The following KIF24 variants were observed in gnomAD, a reference collection of about 807,000 sequenced individuals.
KIF24 encodes the protein kinesin-like protein KIF24.
Under a neutral mutation model 118.9 loss-of-function variants are expected in KIF24, and 81 were observed. That is an observed-to-expected ratio of 0.68 (90% CI 0.57 to 0.82). KIF24 has a LOEUF of 0.82. KIF24 is among the 40% of genes least tolerant of loss of function. The pLI is 0.00. For synonymous variants in KIF24, 599 were observed against 610.0 expected, an observed-to-expected ratio of 0.98 and a Z score of 0.27; for missense variants, 1,560 against 1,661.6, an observed-to-expected ratio of 0.94 and a Z score of 1.06.
chr9:34,266,489 C>A (rs996210801), intron 8 of KIF24, among the ~76,000 whole-genome samples: 3 of 151,894 alleles, frequency 2.0e-5, no homozygotes, highest in African/African-American at 7.3e-5. Flanking sequence ...CCAGCATGGC[C>A]AACATGGTGA....
chr9:34,311,712 A>G (rs556089514), intron 1 of KIF24, among the ~76,000 whole-genome samples: 152 of 140,096 alleles, frequency 1.1e-3, no homozygotes, highest in African/African-American at 3.6e-3. Flanking sequence ...ATATATACGT[A>G]TATATGTATA....
chr9:34,271,737 T>C (rs78255368), intron 7 of KIF24, 72 bp downstream of exon 7: 14 of 1,542,030 alleles, frequency 9.1e-6, no homozygotes, highest in Admixed American at 1.8e-5. Flanking sequence ...TATCCTGTTG[T>C]TGAGAAAACA....
rs148533597 is a variant in KIF24 at position 34,255,950 on chromosome 9, G to A, written c.3657C>T (p.Leu1219=). The change falls in exon 11 of 13, where the codon CTC becomes CTT. Residue 1219 remains leucine (L), a synonymous_variant. Coordinates refer to ENST00000402558, the MANE Select transcript of KIF24 (RefSeq NM_194313.4). The part of the protein sequence containing the change: ...RTGSSDVADQ[L]WAQERKHPTR... ...TAGGATGTTTTCTCTCCTGGGCCCA[G>A]AGCTGGTCAGCCACATCACTACTTC... is the stretch of plus-strand genomic sequence containing the variant. 2.1e-4 allele frequency: 340 copies of A among 1,613,990 alleles called. 1 individual carries two copies. In the African/African-American group the frequency reaches 3.2e-3, roughly 15 times the overall value.
Position 34,256,273 on chromosome 9 carries a change from G to A in KIF24, c.3334C>T (p.Leu1112=), listed in dbSNP as rs1166592911. 6.2e-7 allele frequency: 1 copy of A among 1,609,790 alleles called. No homozygotes were observed. The highest frequency in any genetic ancestry group is 8.5e-7 in the Non-Finnish European group (1 of 1,177,714). Residue 1112 remains leucine (L), a synonymous_variant, in exon 11 of 13, where the codon CTG becomes TTG. Transcript: ENST00000402558. ...TCAGGGGGAGATGAGGACAGCCACA[G>A]GTGCCTAGTTGCTGAAGACACTGGC... ...ALPVSSATRH[L]WLSSSPPDNK... is the part of the protein sequence containing the mutation.
chr9:34,312,994 G>A (rs1273846784), intron 1 of KIF24, among the ~76,000 whole-genome samples: 1 of 152,160 alleles, frequency 6.6e-6, no homozygotes, highest in Non-Finnish European at 1.5e-5. Flanking sequence ...CCACCACACT[G>A]GCTGGTAGAT....
chr9:34,280,060 G>A (rs1248598359), intron 6 of KIF24, among the ~76,000 whole-genome samples: 2 of 151,424 alleles, frequency 1.3e-5, no homozygotes, highest in Non-Finnish European at 2.9e-5. Context: ...CGAGGCAGGC[G>A]GATCACGAGG....
Position 34,325,628 on chromosome 9 carries a change from G to A in KIF24, c.-26+3478C>T, listed in dbSNP as rs138546656. On this transcript the variant is annotated intron_variant, in intron 1 of 12. Transcript: ENST00000402558. Reference sequence around the variant, plus strand: ...AATCGCTGGAACCTGGGAGGAAGAGGTTGCAGTGAGCCAAGATTGCGCCAC... The same window carrying A: ...AATCGCTGGAACCTGGGAGGAAGAGATTGCAGTGAGCCAAGATTGCGCCAC... 1.6e-3 allele frequency among the ~76,000 whole-genome samples: 247 copies of A among 151,822 alleles called. 5 individuals are homozygous for A. Among genetic ancestry groups the A allele is most frequent in the Admixed American group, 0.012 (188 of 15,258 alleles).
intron 3 of KIF24, among the ~76,000 whole-genome samples, chr9:34,302,877 G>A (rs534003424): frequency 4.3e-4 from 65 of 150,298 alleles, no homozygotes; most frequent in Admixed American, 1.1e-3. Context: ...CCGGGTTCAC[G>A]CCATTCTCCT....
chr9:34,313,922 A>ATT (rs5897568), intron 1 of KIF24, among the ~76,000 whole-genome samples: 14 of 140,206 alleles, frequency 1.0e-4, no homozygotes, highest in African/African-American at 3.5e-4. Context: ...TAATTTTTAC[A>ATT]TTTTTTTTTT....
At chr9:34,319,455 C>G (rs765048843) in intron 1 of KIF24, 1 of 1,260,284 alleles carries the variant, frequency 7.9e-7, no homozygotes, top group Non-Finnish European at 1.2e-6. Context: ...CAGCGTGTTC[C>G]ACGCCACCGC....
intron 8 of KIF24, among the ~76,000 whole-genome samples, chr9:34,263,397 C>T (rs1023777797): frequency 6.6e-6 from 1 of 152,254 alleles, no homozygotes; most frequent in African/African-American, 2.4e-5. Context: ...AGCTTAGAGG[C>T]TGGGATCCTA....
intron 7 of KIF24, among the ~76,000 whole-genome samples, chr9:34,270,565 G>C (rs1185762126): frequency 6.7e-6 from 1 of 149,264 alleles, no homozygotes; most frequent in Non-Finnish European, 1.5e-5. Context: ...TTAGCTGGTA[G>C]GCTGAGTAGC....
chr9:34,296,682 T>C (rs185696865), intron 4 of KIF24, among the ~76,000 whole-genome samples: 117 of 152,262 alleles, frequency 7.7e-4, no homozygotes, highest in African/African-American at 2.7e-3. Context: ...CCTGAACCTT[T>C]TTCTTCTGAG....
At chr9:34,321,891 C>G (rs1277427199) in intron 1 of KIF24, among the ~76,000 whole-genome samples, 8 of 152,024 alleles carry the variant, frequency 5.3e-5, no homozygotes, top group Non-Finnish European at 1.2e-4. Context: ...CAGGCATGAG[C>G]CACTGTGCCT....
At chr9:34,262,032 C>T (rs981414479) in intron 9 of KIF24, among the ~76,000 whole-genome samples, 6 of 152,122 alleles carry the variant, frequency 3.9e-5, no homozygotes, top group African/African-American at 1.2e-4. Context: ...CTCCAGGGCT[C>T]GAGTAATCCT....
intron 6 of KIF24, among the ~76,000 whole-genome samples, chr9:34,277,460 C>T (rs72731298): frequency 0.013 from 1,936 of 152,182 alleles, 24 homozygotes; most frequent in Non-Finnish European, 0.02. Flanking sequence ...GGCCTCAAGA[C>T]CATACTTCAC....
intron 9 of KIF24, among the ~76,000 whole-genome samples, chr9:34,262,686 A>ATG (rs1232849025): frequency 4.2e-4 from 10 of 23,940 alleles, no homozygotes; most frequent in East Asian, 2.2e-3. Context: ...ATATATATAT[A>ATG]TATATATATA....
chr9:34,299,389 C>T (rs1836607361), intron 3 of KIF24, among the ~76,000 whole-genome samples: 1 of 151,770 alleles, frequency 6.6e-6, no homozygotes, highest in African/African-American at 2.4e-5. Context: ...ATCATGTTGG[C>T]CAGGCTGGTC....
intron 6 of KIF24, among the ~76,000 whole-genome samples, chr9:34,280,490 T>G (rs1243778218): frequency 6.6e-6 from 1 of 152,076 alleles, no homozygotes; most frequent in Non-Finnish European, 1.5e-5. Context: ...CTGATGCTCC[T>G]GGCCAAATGT....
Sources: gnomAD v4.1 joint callset for allele counts (sites outside exome capture counted in the v4.1 genomes callset) on GRCh38, gnomAD v4.1.1 for gene constraint, MANE v1.5 for transcripts, NCBI Gene and HGNC (gene_info 2026-07-23, HGNC 2026-07-21) for gene names.